Variants in RIMS2 observed in about 807,000 individuals in gnomAD.
RIMS2 encodes regulating synaptic membrane exocytosis 2.
In RIMS2, 59 loss-of-function variants were observed where a neutral mutation model predicts 174.4. The ratio of observed to expected loss-of-function variants is 0.34; its 90% CI spans 0.27 to 0.42. RIMS2 has a LOEUF of 0.42. Among genes scored for constraint, RIMS2 ranks in the 10% least tolerant of loss-of-function variants. The probability of loss-of-function intolerance (pLI) is 1.00; values close to 1 mark genes in which losing one functional copy is unlikely to be tolerated. For synonymous variants in RIMS2, 606 were observed against 572.5 expected, an observed-to-expected ratio of 1.06 and a Z score of -0.84; for missense variants, 1,620 against 1,666.3, an observed-to-expected ratio of 0.97 and a Z score of 0.48.
chr8:103,809,821 A>G (rs932328236), intron 3 of RIMS2, among the ~76,000 whole-genome samples: 4 of 152,122 alleles, frequency 2.6e-5, no homozygotes, highest in African/African-American at 9.7e-5. Flanking sequence ...ATGCCTGGGT[A>G]CTTGCGCATT....
chr8:103,772,681 G>A (rs1244394201), intron 3 of RIMS2, among the ~76,000 whole-genome samples: 3 of 152,044 alleles, frequency 2.0e-5, no homozygotes, highest in Admixed American at 1.3e-4. Flanking sequence ...GTAGTTAGAG[G>A]CATAACACTA....
chr8:103,868,116 C>T (rs1484005621), intron 3 of RIMS2, among the ~76,000 whole-genome samples: 1 of 151,946 alleles, frequency 6.6e-6, no homozygotes, highest in Non-Finnish European at 1.5e-5. Context: ...CAGCTGGGAT[C>T]ACAGAGATTG....
chr8:104,187,841 T>A (rs1358262947), intron 19 of RIMS2, among the ~76,000 whole-genome samples: 3 of 151,782 alleles, frequency 2.0e-5, no homozygotes, highest in Non-Finnish European at 4.4e-5. Flanking sequence ...TATAAAAAAA[T>A]GTTCCTCTTA....
At chr8:103,574,730 T>C (rs967887470) in intron 1 of RIMS2, among the ~76,000 whole-genome samples, 1 of 152,200 alleles carries the variant, frequency 6.6e-6, no homozygotes, top group Non-Finnish European at 1.5e-5. Context: ...TAATTGTAAC[T>C]GGTGGGTTAA....
intron 1 of RIMS2, among the ~76,000 whole-genome samples, chr8:103,576,110 A>G (rs1593496): frequency 0.78 from 118,659 of 152,132 alleles, 46,600 homozygotes; most frequent in East Asian, 0.88. Context: ...CATGCTGTAG[A>G]AGGTTTGTTC....
intron 19 of RIMS2, among the ~76,000 whole-genome samples, chr8:104,021,200 A>G (rs2096075667): frequency 6.6e-6 from 1 of 152,028 alleles, no homozygotes; most frequent in Admixed American, 6.6e-5. Flanking sequence ...TATTTGTAAA[A>G]CCTAATTAAC....
At chr8:103,741,144 TAA>T (rs2097758136) in intron 2 of RIMS2, among the ~76,000 whole-genome samples, 1 of 152,016 alleles carries the variant, frequency 6.6e-6, no homozygotes, top group South Asian at 2.1e-4. Context: ...TAATTAAATA[TAA>T]GACATAAAAT....
chr8:103,746,582 T>G (rs1304427133), intron 2 of RIMS2, among the ~76,000 whole-genome samples: 1 of 152,126 alleles, frequency 6.6e-6, no homozygotes, highest in Non-Finnish European at 1.5e-5. Context: ...TTAGTTGTTT[T>G]CCTGATCCTC....
chr8:104,190,550 T>C lies in RIMS2; in HGVS notation c.3335-54366T>C, dbSNP rs1172485740. Among the ~76,000 whole-genome samples, 4 of 152,060 alleles carry C rather than the reference T, an allele frequency of 2.6e-5. No individual in the cohort carries two copies. The South Asian group carries it at 8.3e-4, about 31-fold the overall frequency. Reference sequence around the variant, plus strand: ...TTTTAGGCTTTGTCCTTTTTGTCTTTATGATGCAAGTCTCCAAATATTTTG... The same window carrying C: ...TTTTAGGCTTTGTCCTTTTTGTCTTCATGATGCAAGTCTCCAAATATTTTG... On this transcript the variant is annotated intron_variant, in intron 19 of 23. Coordinates refer to ENST00000504942, the Ensembl canonical transcript of RIMS2.
At chr8:103,907,579 A>C (rs1239512251) in intron 4 of RIMS2, among the ~76,000 whole-genome samples, 1 of 151,282 alleles carries the variant, frequency 6.6e-6, no homozygotes, top group African/African-American at 2.4e-5. Context: ...TTTTTTCTCA[A>C]ATCAAACCCT....
chr8:104,166,467 A>G (rs1156460403), intron 19 of RIMS2, among the ~76,000 whole-genome samples: 3 of 152,178 alleles, frequency 2.0e-5, no homozygotes, highest in South Asian at 4.1e-4. Flanking sequence ...AGGGAGCTTC[A>G]GAAGTGTAGA....
At chr8:103,612,314 G>T (rs1433545076) in intron 1 of RIMS2, among the ~76,000 whole-genome samples, 1 of 152,088 alleles carries the variant, frequency 6.6e-6, no homozygotes, top group Non-Finnish European at 1.5e-5. Context: ...GTTTGGTGAG[G>T]TTATGTTTTT....
At chr8:104,031,887 A>T (rs116767900) in intron 19 of RIMS2, among the ~76,000 whole-genome samples, 1,939 of 152,160 alleles carry the variant, frequency 0.013, 52 homozygotes, top group African/African-American at 0.045. Flanking sequence ...TGTGGACTTG[A>T]TAGTGTGTAG....
chr8:103,620,676 G>C (rs952954692), intron 1 of RIMS2, among the ~76,000 whole-genome samples: 2 of 83,746 alleles, frequency 2.4e-5, no homozygotes, highest in Non-Finnish European at 4.5e-5. Context: ...GTATTCATGT[G>C]ATCATCAGGA....
intron 19 of RIMS2, among the ~76,000 whole-genome samples, chr8:104,238,512 A>G (rs1291860258): frequency 6.6e-6 from 1 of 152,118 alleles, no homozygotes; most frequent in Non-Finnish European, 1.5e-5. Context: ...ATGTCCACAG[A>G]GTCTACCACA....
chr8:104,235,106 C>A (rs958207370), intron 19 of RIMS2, among the ~76,000 whole-genome samples: 1 of 152,108 alleles, frequency 6.6e-6, no homozygotes, highest in African/African-American at 2.4e-5. Flanking sequence ...GACATATCCC[C>A]ATTTTTCATG....
intron 19 of RIMS2, among the ~76,000 whole-genome samples, chr8:104,083,960 A>G (rs1428668624): frequency 1.3e-5 from 2 of 152,140 alleles, no homozygotes; most frequent in Admixed American, 6.5e-5. Flanking sequence ...AATGTTATAT[A>G]TTATCTGTAA....
Position 103,718,206 on chromosome 8 carries a change from G to A in RIMS2, c.387+20910G>A, listed in dbSNP as rs559341559. Among the ~76,000 whole-genome samples the A allele has an allele frequency of 1.2e-4, 18 of 152,252 alleles. No homozygotes were observed. The South Asian group carries it at 3.7e-3, about 32-fold the overall frequency. ...CAAGGTAGAATCAAGGGACATGAAAGACAGTCATCAAGGGAAAATATCTAG... is the reference window on the plus strand; with the variant it reads ...CAAGGTAGAATCAAGGGACATGAAAAACAGTCATCAAGGGAAAATATCTAG... On this transcript the variant is annotated intron_variant, in intron 2 of 23. Coordinates refer to ENST00000504942, the Ensembl canonical transcript of RIMS2.
At position 103,948,619 on chromosome 8, in the gene RIMS2, AG is replaced by A. The variant is rs376036429; in HGVS notation, c.2701+5694del. Reference sequence around the variant, plus strand: ...ATGATTCTACTTATATAACATATATAGAAGTGACAAATCTATTGAGACAGAT... The same window carrying A: ...ATGATTCTACTTATATAACATATATAAAGTGACAAATCTATTGAGACAGAT... On this transcript the variant is annotated intron_variant, in intron 14 of 23. Coordinates refer to ENST00000504942, the Ensembl canonical transcript of RIMS2. Among the ~76,000 whole-genome samples the A allele has an allele frequency of 1.6e-4, 25 of 152,304 alleles. No individual in the cohort carries two copies. In the East Asian group the frequency reaches 4.8e-3, roughly 29 times the overall value.
Sources: allele counts gnomAD v4.1 joint callset (sites outside exome capture counted in the v4.1 genomes callset), GRCh38; gene constraint gnomAD v4.1.1; transcripts MANE v1.5; gene names NCBI Gene and HGNC (gene_info 2026-07-23, HGNC 2026-07-21).